EPHB6: variants seen among roughly 807,000 people sequenced by gnomAD.
EPHB6 encodes the protein ephrin type-B receptor 6.
A neutral mutation model predicts 107.0 loss-of-function variants in EPHB6; 51 were observed. The observed-to-expected ratio is 0.48, with a 90% confidence interval of 0.38 to 0.60. The LOEUF is 0.60. Among genes scored for constraint, EPHB6 ranks in the 20% least tolerant of loss-of-function variants. The pLI is 0.00. For synonymous variants in EPHB6, 553 were observed against 549.0 expected (o/e 1.01, Z -0.10); for missense variants, 1,141 against 1,355.5 (o/e 0.84, Z 2.48).
In EPHB6 at chr7:142,868,979, G is replaced by A; in HGVS notation, c.2292G>A (p.Arg764=). Residue 764 remains arginine (R), a synonymous_variant, in exon 16 of 20, where the codon CGG becomes CGA. Coordinates refer to ENST00000652003, the MANE Select transcript of EPHB6 (RefSeq NM_004445.6). This position sits in a 1 kb window ranked among gnomAD's most constrained non-coding sequence, Gnocchi z 4.2. ...LGPLDSFLRQ[R]EGQFSSLQLV... ...CCCCTGCCCCTTCCCCTCAGCAGCG[G>A]GAGGGCCAGTTCAGCAGCCTGCAGC... is the stretch of plus-strand genomic sequence containing the variant. The A allele has an allele frequency of 6.2e-7, 1 of 1,608,880 alleles. No individual in the cohort carries two copies.
chr7:142,869,473 C>T lies in EPHB6; in HGVS notation c.2460+326C>T, dbSNP rs4987692. 0.022 allele frequency among the ~76,000 whole-genome samples: 3,417 copies of T among 152,298 alleles called. 138 individuals are homozygous for T. The highest frequency in any genetic ancestry group is 0.077 in the African/African-American group (3,198 of 41,542). ...TACAAATTCTTAACACTCTGCTCTC[C>T]AGCTCTGTGACCTTGGACAAGTTCA... is the stretch of plus-strand genomic sequence containing the variant. On this transcript the variant is annotated intron_variant, in intron 16 of 19. Transcript: ENST00000652003. This position sits in a 1 kb window ranked among gnomAD's most constrained non-coding sequence, Gnocchi z 4.5.
chr7:142,869,206 TG>T lies in EPHB6; in HGVS notation c.2460+63del. 1 of 1,587,700 alleles carries T rather than the reference TG, an allele frequency of 6.3e-7. No individual in the cohort carries two copies. On this transcript the variant is annotated intron_variant, in intron 16 of 19. Coordinates refer to ENST00000652003, the MANE Select transcript of EPHB6 (RefSeq NM_004445.6). The surrounding 1 kb of genome is among the most constrained non-coding windows in gnomAD (Gnocchi z 4.5). ...CCTTGTGGCATGCCCCAGCAGGTGC[TG>T]GGGTCGGGGGTGAGCTGGAATCTGG...
rs149090003 is a variant in EPHB6 at position 142,864,399 on chromosome 7, G to A, written c.599G>A (p.Arg200Gln). The A allele has an allele frequency of 5.5e-5, 88 of 1,612,874 alleles. No homozygotes were observed. The highest frequency in any genetic ancestry group is 6.7e-5 in the African/African-American group (5 of 75,032). The change falls in exon 7 of 20, where the codon CGG becomes CAG. Residue 200 changes from arginine to glutamine, a missense_variant. By Grantham distance (43) the Arg-to-Gln change is conservative. Coordinates refer to ENST00000652003, the MANE Select transcript of EPHB6 (RefSeq NM_004445.6). ...GGACTGCAACTGAACGTCAAAGAGC[G>A]GAGCTTTGGGCCTCTCACCCAACGC... Reference protein sequence around the residue: ...RAGLQLNVKERSFGPLTQRGF... With the variant: ...RAGLQLNVKEQSFGPLTQRGF...
In EPHB6 at chr7:142,868,350, C is replaced by A; in HGVS notation, c.2028C>A (p.Val676=). The change falls in exon 14 of 20, where the codon GTC becomes GTA. Residue 676 remains valine (V), a synonymous_variant. Transcript: ENST00000652003. This position sits in a 1 kb window ranked among gnomAD's most constrained non-coding sequence, Gnocchi z 4.2. ...VDPAYIKIEE[V]IGTGSFGEVR... ...CTGCTTATATCAAGATTGAGGAGGT[C>A]ATTGGGACAGGTACAGCAGGGCCAA... is the stretch of plus-strand genomic sequence containing the variant. 6.2e-7 allele frequency: 1 copy of A among 1,614,134 alleles called. No individual in the cohort carries two copies. Among genetic ancestry groups the A allele is most frequent in the Non-Finnish European group, 8.5e-7 (1 of 1,180,024 alleles).
Position 142,867,461 on chromosome 7 carries a change from T to C in EPHB6, c.1751-147T>C. The C allele has an allele frequency of 5.6e-6, 4 of 716,702 alleles. No individual in the cohort carries two copies. In the East Asian group the frequency reaches 8.1e-5, roughly 14 times the overall value. The allele number at this position is 716,702 out of a possible 1,614,324, so 44.4% of individuals were successfully genotyped here. ...GGAGGGCTGTGGGCGTGTGTGTGTGTTGTGTGTCCCTGTGCATGGATGTGG... is the reference window on the plus strand; with the variant it reads ...GGAGGGCTGTGGGCGTGTGTGTGTGCTGTGTGTCCCTGTGCATGGATGTGG... On this transcript the variant is annotated intron_variant, in intron 11 of 19. Coordinates refer to ENST00000652003, the MANE Select transcript of EPHB6 (RefSeq NM_004445.6). The surrounding 1 kb of genome is among the most constrained non-coding windows in gnomAD (Gnocchi z 5.3).
intron 3 of EPHB6, 34 bp from the exon 4 acceptor site, chr7:142,862,722 G>T (rs1235413396): frequency 6.5e-6 from 1 of 154,804 alleles, no homozygotes; most frequent in African/African-American, 2.4e-5. Context: ...TTAACCAGCT[G>T]CCTTTAATGA....
rs759463794 is a variant in EPHB6, at chr7:142,863,312, G to A, written c.85G>A (p.Val29Ile). The A allele has an allele frequency of 8.7e-6, 14 of 1,613,788 alleles. No individual in the cohort carries two copies. Among genetic ancestry groups the A allele is most frequent in the Non-Finnish European group, 4.2e-6 (5 of 1,179,950 alleles). Residue 29 changes from valine (V) to isoleucine (I), a missense_variant, in exon 5 of 20, where the codon GTT becomes ATT. By Grantham distance (29) the Val-to-Ile change is conservative. Coordinates refer to ENST00000652003, the MANE Select transcript of EPHB6 (RefSeq NM_004445.6). Reference sequence around the variant, plus strand: ...ATGGGTGCTGCTCCTGGTGTCTTCAGTTCTGGCTCTGGAAGGTAAGAGGGA... The same window carrying A: ...ATGGGTGCTGCTCCTGGTGTCTTCAATTCTGGCTCTGGAAGGTAAGAGGGA... ...SLWVLLLVSS[V>I]LALEEVLLDT... is the part of the protein sequence containing the mutation.
chr7:142,863,806 C>T, intron 6 of EPHB6, 111 bp downstream of exon 6: 2 of 1,478,116 alleles, frequency 1.4e-6, no homozygotes, highest in Non-Finnish European at 1.9e-6. Context: ...GGAAAAGGAT[C>T]CCTCCCTCTA....
At chr7:142,860,353 A>G (rs1802787468) in intron 1 of EPHB6, among the ~76,000 whole-genome samples, 1 of 152,252 alleles carries the variant, frequency 6.6e-6, no homozygotes, top group Non-Finnish European at 1.5e-5. Context: ...CCCTGATAAC[A>G]GTATTTCTAA....
chr7:142,865,563 C>A lies in EPHB6; in HGVS notation c.1038C>A (p.Ala346=), dbSNP rs757187471. 2 of 1,613,640 alleles carry A rather than the reference C, an allele frequency of 1.2e-6. No homozygotes were observed. The highest frequency in any genetic ancestry group is 1.7e-6 in the Non-Finnish European group (2 of 1,180,002). Residue 346 remains alanine (A), a synonymous_variant, in exon 8 of 20, where the codon GCC becomes GCA. Coordinates refer to ENST00000652003, the MANE Select transcript of EPHB6 (RefSeq NM_004445.6). ...GCAGTCACGCTCCCAACCCAGCAGC[C>A]CCCGTTTGCCCCTGCCTGGAGGGCT... ...PARSHAPNPA[A]PVCPCLEGFY... is the part of the protein sequence containing the mutation.
rs150343981 is a variant in EPHB6 at position 142,867,348 on chromosome 7, CGT to C, written c.1751-249_1751-248del. On this transcript the variant is annotated intron_variant, in intron 11 of 19. Transcript: ENST00000652003. The surrounding 1 kb of genome is among the most constrained non-coding windows in gnomAD (Gnocchi z 5.3). ...GGTGTGGATGTGGGAGGGCTGTGGGCGTGTGTGTGTGTTGTGTGTCCCTGTGT... is the reference window on the plus strand; with the variant it reads ...GGTGTGGATGTGGGAGGGCTGTGGGCGTGTGTGTGTTGTGTGTCCCTGTGT... 1.0e-4 allele frequency: 62 copies of C among 608,064 alleles called. No individual in the cohort carries two copies. The highest frequency in any genetic ancestry group is 1.2e-4 in the African/African-American group (6 of 49,216). 37.7% of individuals were successfully genotyped at this position (608,064 alleles called of 1,614,324 possible).
intron 1 of EPHB6, among the ~76,000 whole-genome samples, chr7:142,856,371 G>A (rs1022411665): frequency 2.0e-5 from 3 of 152,232 alleles, no homozygotes; most frequent in Admixed American, 6.5e-5. Flanking sequence ...GAAGATTAGC[G>A]TGGGGGTGTC....
chr7:142,868,125 C>T lies in EPHB6; in HGVS notation c.1918+76C>T, dbSNP rs749602081. On this transcript the variant is annotated intron_variant, in intron 13 of 19. Transcript: ENST00000652003. This position sits in a 1 kb window ranked among gnomAD's most constrained non-coding sequence, Gnocchi z 4.2. Reference sequence around the variant, plus strand: ...CACATGGCAGGCAAGGCTGGATCCCCCCAAGATTGGGGGAGCTCCTTGGCA... The same window carrying T: ...CACATGGCAGGCAAGGCTGGATCCCTCCAAGATTGGGGGAGCTCCTTGGCA... 1.9e-6 allele frequency: 3 copies of T among 1,613,772 alleles called. No individual in the cohort carries two copies. The highest frequency in any genetic ancestry group is 2.5e-6 in the Non-Finnish European group (3 of 1,179,776).
At chr7:142,870,502 T>C (rs1337360411) in intron 18 of EPHB6, 28 bp from the exon 19 acceptor site, 2 of 1,614,098 alleles carry the variant, frequency 1.2e-6, no homozygotes, top group Non-Finnish European at 1.7e-6. Flanking sequence ...AGAGGAGACC[T>C]TGACCCTGCT....
Position 142,864,339 on chromosome 7 carries a change from G to A in EPHB6, c.539G>A (p.Trp180Ter), listed in dbSNP as rs1381853464. 1 of 1,613,318 alleles carries A rather than the reference G, an allele frequency of 6.2e-7. No homozygotes were observed. The highest frequency in any genetic ancestry group is 1.7e-5 in the Admixed American group (1 of 60,020). The change falls in exon 7 of 20, where the codon TGG becomes TAG. Residue 180 changes from tryptophan (W) to a stop codon, truncating the protein, a stop_gained. Transcript: ENST00000652003. LOFTEE classifies it high-confidence loss of function. ...SSSSSSSSAA[W>*]AVGPHGAGQR... ...TCCTCCTCTTCTTCCTCTGCAGCGT[G>A]GGCTGTGGGACCCCACGGGGCTGGG...
At chr7:142,862,592 G>T (rs1367561011) in intron 3 of EPHB6, among the ~76,000 whole-genome samples, 164 bp from the exon 4 acceptor site, 2 of 152,054 alleles carry the variant, frequency 1.3e-5, no homozygotes, top group African/African-American at 4.8e-5. Flanking sequence ...CCATCTTCCT[G>T]TGTCCCTCCC....
At position 142,865,594 on chromosome 7, in the gene EPHB6, C is replaced by T. The variant is rs774071972; in HGVS notation, c.1069C>T (p.Arg357Trp). 2.5e-6 allele frequency: 4 copies of T among 1,613,748 alleles called. No homozygotes were observed. Among genetic ancestry groups the T allele is most frequent in the Middle Eastern group, 1.7e-4 (1 of 6,010 alleles). ...PVCPCLEGFYRASSDPPEAPC... is the reference protein window; with the variant it reads ...PVCPCLEGFYWASSDPPEAPC... ...TTGCCCCTGCCTGGAGGGCTTCTAC[C>T]GGGCCAGTTCCGACCCACCAGAGGC... Residue 357 changes from arginine (R) to tryptophan (W), a missense_variant, in exon 8 of 20, where the codon CGG (arginine) becomes TGG (tryptophan). Arg to Trp is a moderately radical substitution (Grantham distance 101, BLOSUM62 -3). Coordinates refer to ENST00000652003, the MANE Select transcript of EPHB6 (RefSeq NM_004445.6).
At position 142,864,334 on chromosome 7, in the gene EPHB6, A is replaced by G. The variant is rs571330909; in HGVS notation, c.534A>G (p.Ala178=). 4.3e-6 allele frequency: 7 copies of G among 1,613,236 alleles called. No individual in the cohort carries two copies. In the South Asian group the frequency reaches 7.7e-5, roughly 18 times the overall value. ...SSSSSSSSSS[A]AWAVGPHGAG... ...CCTCCTCCTCCTCTTCTTCCTCTGCAGCGTGGGCTGTGGGACCCCACGGGG... is the reference window on the plus strand; with the variant it reads ...CCTCCTCCTCCTCTTCTTCCTCTGCGGCGTGGGCTGTGGGACCCCACGGGG... Residue 178 remains alanine, a synonymous_variant, in exon 7 of 20, where the codon GCA becomes GCG. Transcript: ENST00000652003.
intron 5 of EPHB6, 35 bp downstream of exon 5, chr7:142,863,362 GCCATAGAGAC>G (rs774335446): frequency 8.8e-6 from 14 of 1,590,100 alleles, no homozygotes; most frequent in Middle Eastern, 3.3e-4. Flanking sequence ...ACCCAGACCT[GCCATAGAGAC>G]CCAGTGAAAG....
Sources: allele counts gnomAD v4.1 joint callset (sites outside exome capture counted in the v4.1 genomes callset), GRCh38; gene constraint gnomAD v4.1.1; non-coding constraint Gnocchi (gnomAD v3.1); transcripts MANE v1.5; gene names NCBI Gene and HGNC (gene_info 2026-07-23, HGNC 2026-07-21).